GTPBP1: variants seen among roughly 807,000 people sequenced by gnomAD.
GTPBP1 encodes the protein GTP binding protein 1.
A neutral mutation model predicts 62.0 loss-of-function variants in GTPBP1; 23 were observed. That is an observed-to-expected ratio of 0.37 (90% CI 0.27 to 0.53). The LOEUF (loss-of-function observed/expected upper bound fraction) is 0.53. Ranked by LOEUF, GTPBP1 falls within the 20% of genes least tolerant of loss-of-function variation. The pLI is 0.89. For missense variants in GTPBP1, 640 were observed against 917.3 expected (o/e 0.70, Z 3.90); for synonymous variants, 344 against 364.4 (o/e 0.94, Z 0.64).
At position 38,733,411 on chromosome 22, in the gene GTPBP1, G is replaced by C. The variant is rs778859670; in HGVS notation, c.*2707G>C. ...GGCCGCACCCAGGAGGGTGGGGTTG[G>C]ATCTGTGTAGTTGCCAGGCCCACAC... On this transcript the variant is annotated 3_prime_UTR_variant, in exon 12 of 12. Transcript: ENST00000216044. 1 of 152,478 alleles carries C rather than the reference G, an allele frequency of 6.6e-6. No individual in the cohort carries two copies. Among genetic ancestry groups the C allele is most frequent in the African/African-American group, 2.4e-5 (1 of 41,600 alleles). The allele number at this position is 152,478 out of a possible 1,614,324, so 9.4% of individuals were successfully genotyped here.
intron 4 of GTPBP1, among the ~76,000 whole-genome samples, chr22:38,718,616 G>C (rs1451647177): frequency 6.6e-6 from 1 of 152,212 alleles, no homozygotes; most frequent in Non-Finnish European, 1.5e-5. Context: ...GAGGGAGAGG[G>C]AAGTGCCAGC....
downstream of GTPBP1, chr22:38,742,386 G>T: frequency 6.2e-7 from 1 of 1,613,320 alleles, no homozygotes; most frequent in Non-Finnish European, 8.5e-7. Flanking sequence ...CAGCGCCAGG[G>T]TGTCCTCGTG....
In GTPBP1 at chr22:38,716,766, A is replaced by G; in HGVS notation, c.600A>G (p.Lys200=). 1 of 1,614,154 alleles carries G rather than the reference A, an allele frequency of 6.2e-7. No homozygotes were observed. Among genetic ancestry groups the G allele is most frequent in the Non-Finnish European group, 8.5e-7 (1 of 1,180,010 alleles). Residue 200 remains lysine, a synonymous_variant, in exon 4 of 12, where the codon AAA becomes AAG. Coordinates refer to ENST00000216044, the MANE Select transcript of GTPBP1 (RefSeq NM_004286.5). This position sits in a 1 kb window ranked among gnomAD's most constrained non-coding sequence, Gnocchi z 5.2. ...CCCGCCAGAAACTCTTCCGCCACAA[A>G]CATGAAATTGAATCTGGTCGCACCA... is the stretch of plus-strand genomic sequence containing the variant. ...GFARQKLFRH[K]HEIESGRTSS...
intron 4 of GTPBP1, 150 bp from the exon 5 acceptor site, chr22:38,721,592 C>T (rs967746471): frequency 1.2e-5 from 7 of 599,488 alleles, no homozygotes; most frequent in Admixed American, 7.5e-5. Flanking sequence ...AAGTCTCCTC[C>T]GATTTTGACG....
downstream of GTPBP1, chr22:38,739,867 C>A: frequency 6.2e-7 from 1 of 1,613,550 alleles, no homozygotes. The surrounding 1 kb of genome is among the most constrained non-coding windows in gnomAD (Gnocchi z 6.7). Context: ...CATCTCCTCT[C>A]TCTGAAGGAG....
chr22:38,736,294 G>C, downstream of GTPBP1: 1 of 1,613,988 alleles, frequency 6.2e-7, no homozygotes, highest in Non-Finnish European at 8.5e-7. Flanking sequence ...CATGCACTCT[G>C]AAGCGGTAGA....
At chr22:38,711,086 A>G (rs921528570) in intron 2 of GTPBP1, among the ~76,000 whole-genome samples, 1 of 152,200 alleles carries the variant, frequency 6.6e-6, no homozygotes, top group African/African-American at 2.4e-5. Flanking sequence ...AACAATAATC[A>G]GAAGACTAAC....
chr22:38,741,355 CAG>C, downstream of GTPBP1: 2 of 885,680 alleles, frequency 2.3e-6, no homozygotes, highest in Non-Finnish European at 3.5e-6. Flanking sequence ...GGGGGTCAAA[CAG>C]AGAAGTCAGA....
At chr22:38,721,910 G>C in intron 5 of GTPBP1, 45 bp downstream of exon 5, 1 of 1,486,782 alleles carries the variant, frequency 6.7e-7, no homozygotes, top group South Asian at 1.3e-5. Context: ...GATTGGGGCT[G>C]TCACCTGCTG....
chr22:38,734,461 C>T (rs144854851), downstream of GTPBP1: 18 of 342,592 alleles, frequency 5.3e-5, no homozygotes, highest in East Asian at 2.5e-4. Context: ...CCACTGCTCC[C>T]GCCCCACCCT....
chr22:38,712,627 C>T (rs535401734), intron 2 of GTPBP1, among the ~76,000 whole-genome samples: 1 of 152,264 alleles, frequency 6.6e-6, no homozygotes, highest in African/African-American at 2.4e-5. Flanking sequence ...CAGCTTTTCT[C>T]CTCCACCTTT....
At chr22:38,725,728 G>A (rs1823785218) in intron 6 of GTPBP1, 1 of 430,114 alleles carries the variant, frequency 2.3e-6, no homozygotes, top group Non-Finnish European at 4.2e-6. Flanking sequence ...GCAGTCATGA[G>A]GTTCCAAACT....
chr22:38,717,118 G>A (rs1209078634), intron 4 of GTPBP1, 118 bp downstream of exon 4: 1 of 661,442 alleles, frequency 1.5e-6, no homozygotes. Flanking sequence ...TTGACATCGG[G>A]TGAGGCTGGC....
At chr22:38,741,468 G>A (rs1306996045), downstream of GTPBP1, 1 of 1,610,994 alleles carries the variant, frequency 6.2e-7, no homozygotes, top group African/African-American at 1.3e-5. Context: ...CCAGTCACAG[G>A]CCCTGAGTGC....
downstream of GTPBP1, chr22:38,740,804 C>G: frequency 1.6e-6 from 1 of 619,544 alleles, no homozygotes. The surrounding 1 kb of genome is among the most constrained non-coding windows in gnomAD (Gnocchi z 4.8). Context: ...CCCCCGCCCT[C>G]AGGACCCCCC....
downstream of GTPBP1, among the ~76,000 whole-genome samples, chr22:38,734,574 C>T (rs1484211782): frequency 6.6e-6 from 1 of 152,184 alleles, no homozygotes; most frequent in Admixed American, 6.5e-5. Flanking sequence ...AGGTCCCATC[C>T]CCCACCACAA....
chr22:38,707,555 T>G (rs573139330), intron 1 of GTPBP1, among the ~76,000 whole-genome samples: 192 of 152,284 alleles, frequency 1.3e-3, no homozygotes, highest in Non-Finnish European at 2.2e-3. Flanking sequence ...AGGTTACAAT[T>G]ACAAGCTCTG....
chr22:38,708,880 C>T lies in GTPBP1; in HGVS notation c.228C>T (p.Asp76=). The T allele has an allele frequency of 6.2e-7, 1 of 1,611,442 alleles. No individual in the cohort carries two copies. The highest frequency in any genetic ancestry group is 8.5e-7 in the Non-Finnish European group (1 of 1,177,510). The part of the protein sequence containing the change: ...VLVSPTSEQY[D]SLLRQMWERM... ...TGAGCCCTACATCAGAGCAGTATGA[C>T]AGCCTACTTCGGCAGATGTGGGAGA... The change falls in exon 2 of 12, where the codon GAC becomes GAT. Residue 76 remains aspartate, a synonymous_variant. Transcript: ENST00000216044.
Position 38,709,153 on chromosome 22 carries a change from G to A in GTPBP1, c.304+197G>A, listed in dbSNP as rs5757255. On this transcript the variant is annotated intron_variant, in intron 2 of 11. Coordinates refer to ENST00000216044, the MANE Select transcript of GTPBP1 (RefSeq NM_004286.5). ...CAAAAAATTAGCCGGGCGCTAATTA[G>A]TGGTGGCAGGCGCCTGTAATCCCAG... is the stretch of plus-strand genomic sequence containing the variant. 2.9e-3 allele frequency among the ~76,000 whole-genome samples: 440 copies of A among 152,212 alleles called. 7 individuals are homozygous for A. In the South Asian group the frequency reaches 0.041, roughly 14 times the overall value.
Sources: gnomAD v4.1 joint callset for allele counts (sites outside exome capture counted in the v4.1 genomes callset) on GRCh38, gnomAD v4.1.1 for gene constraint, Gnocchi (gnomAD v3.1) non-coding constraint, MANE v1.5 for transcripts, NCBI Gene and HGNC (gene_info 2026-07-23, HGNC 2026-07-21) for gene names.